The following CEP104 variants were observed in gnomAD, a reference collection of about 807,000 sequenced individuals.
CEP104 encodes centrosomal protein of 104 kDa.
A neutral mutation model predicts 113.3 loss-of-function variants in CEP104; 84 were observed. The observed-to-expected ratio is 0.74, with a 90% CI of 0.62 to 0.89. CEP104 has a LOEUF of 0.89. CEP104 is among the 40% of genes least tolerant of loss of function. CEP104 has a pLI of 0.00. For synonymous variants in CEP104, 378 were observed against 421.7 expected (o/e 0.90, Z 1.27); for missense variants, 1,053 against 1,156.6 (o/e 0.91, Z 1.30).
intron 5 of CEP104, 139 bp from the exon 6 acceptor site, chr1:3,845,122 TAAAG>T (rs1644484332): frequency 1.1e-6 from 1 of 875,212 alleles, no homozygotes; most frequent in Non-Finnish European, 1.8e-6. Context: ...CTAAAACTGT[TAAAG>T]AAAAGTTTCA....
In CEP104 at chr1:3,819,469, C is replaced by T. The variant is rs549158647; in HGVS notation, c.2572-3099G>A. 1.5e-3 allele frequency among the ~76,000 whole-genome samples: 228 copies of T among 152,320 alleles called. 2 individuals carry two copies. Among genetic ancestry groups the T allele is most frequent in the Non-Finnish European group, 2.6e-3 (179 of 68,026 alleles). ...CTGTGCAGACTAGATCTCCATGAAG[C>T]TGTTAAAAACAGGTGATCTTAATGA... On this transcript the variant is annotated intron_variant, in intron 20 of 21. Transcript: ENST00000378230. The surrounding 1 kb of genome is among the most constrained non-coding windows in gnomAD (Gnocchi z 4.6).
At chr1:3,849,151 A>C (rs1470671377) in intron 2 of CEP104, among the ~76,000 whole-genome samples, 1 of 152,130 alleles carries the variant, frequency 6.6e-6, no homozygotes, top group Non-Finnish European at 1.5e-5. Context: ...TCAAATGCTT[A>C]AGGGCCCCAA....
chr1:3,832,041 G>A (rs16824192), intron 12 of CEP104, among the ~76,000 whole-genome samples: 34,207 of 152,168 alleles, frequency 0.22, 4,202 homozygotes, highest in Non-Finnish European at 0.27. Context: ...TGTAACCCTC[G>A]ATAGATTGCC....
chr1:3,854,810 A>C (rs1393809986), intron 1 of CEP104, among the ~76,000 whole-genome samples: 1 of 143,716 alleles, frequency 7.0e-6, no homozygotes, highest in Non-Finnish European at 1.5e-5. Flanking sequence ...AGGGCTTGTC[A>C]CTCCCTATTC....
intron 10 of CEP104, 59 bp from the exon 11 acceptor site, chr1:3,835,151 A>G (rs1423603011): frequency 1.5e-6 from 2 of 1,319,866 alleles, no homozygotes; most frequent in African/African-American, 1.6e-5. Flanking sequence ...ACACTACACA[A>G]CTTGAAGGCT....
chr1:3,838,998 T>G lies in CEP104; in HGVS notation c.857A>C (p.Gln286Pro). 6.2e-7 allele frequency: 1 copy of G among 1,614,220 alleles called. No individual in the cohort carries two copies. The highest frequency in any genetic ancestry group is 1.1e-5 in the South Asian group (1 of 91,086). The change falls in exon 8 of 22, where the codon CAG becomes CCG. Residue 286 changes from glutamine (Q) to proline (P), a missense_variant. By Grantham distance (76) the Gln-to-Pro change is moderately conservative. Coordinates refer to ENST00000378230, the MANE Select transcript of CEP104 (RefSeq NM_014704.4). ...ATCCAGGAGGCTGTGCAGCTCCAGC[T>G]GCTCGTACACCTCGGCACGATACTG... Reference protein sequence around the residue: ...MEQYRAEVYEQLELHSLLDAE... With the variant: ...MEQYRAEVYEPLELHSLLDAE...
At position 3,826,388 on chromosome 1, in the gene CEP104, T is replaced by C; in HGVS notation, c.2237A>G (p.Asp746Gly). 6.2e-7 allele frequency: 1 copy of C among 1,614,082 alleles called. No individual in the cohort carries two copies. The highest frequency in any genetic ancestry group is 8.5e-7 in the Non-Finnish European group (1 of 1,179,934). Residue 746 changes from aspartate (D) to glycine (G), a missense_variant, in exon 17 of 22, where the codon GAT (aspartate) becomes GGT (glycine). Transcript: ENST00000378230. ...AAPAEALGIP[D>G]EHYLDNLCIF... Reference sequence around the variant, plus strand: ...GACTTACTTATCTAGATAGTGCTCATCCGGGATTCCCAGAGCTTCAGCAGG... The same window carrying C: ...GACTTACTTATCTAGATAGTGCTCACCCGGGATTCCCAGAGCTTCAGCAGG...
At position 3,828,373 on chromosome 1, in the gene CEP104, C is replaced by CCTG. The variant is rs532455778; in HGVS notation, c.2151+890_2151+892dup. 1.7e-3 allele frequency among the ~76,000 whole-genome samples: 256 copies of CCTG among 152,344 alleles called. 1 individual carries two copies. The highest frequency in any genetic ancestry group is 5.9e-3 in the African/African-American group (246 of 41,576). On this transcript the variant is annotated intron_variant, in intron 15 of 21. Transcript: ENST00000378230. ...AGGGTCTGCCTGCCTCCTTCCGCCT[C>CCTG]CTGTGTCCTTTTCTGATTGTGACTC...
intron 6 of CEP104, among the ~76,000 whole-genome samples, chr1:3,842,282 G>A (rs927098394): frequency 2.6e-5 from 4 of 152,102 alleles, no homozygotes; most frequent in Non-Finnish European, 5.9e-5. Flanking sequence ...GGGTTTCACC[G>A]TGTTAGCCAG....
intron 16 of CEP104, 40 bp from the exon 17 acceptor site, chr1:3,826,476 A>G: frequency 6.4e-7 from 1 of 1,564,180 alleles, no homozygotes; most frequent in Non-Finnish European, 8.7e-7. Context: ...TTTTATAGAA[A>G]TTATTTTCAA....
At chr1:3,834,161 GA>G in intron 11 of CEP104, 126 bp from the exon 12 acceptor site, 1 of 783,762 alleles carries the variant, frequency 1.3e-6, no homozygotes, top group Non-Finnish European at 2.0e-6. Context: ...CTGAAAGGCT[GA>G]AAATTGCAAA....
chr1:3,854,781 T>C (rs1417680630), intron 1 of CEP104, among the ~76,000 whole-genome samples: 2 of 150,642 alleles, frequency 1.3e-5, no homozygotes, highest in African/African-American at 2.4e-5. Context: ...GCCAGGCCCC[T>C]TTCATCATCT....
chr1:3,848,424 C>T (rs907879238), intron 3 of CEP104, among the ~76,000 whole-genome samples, 184 bp downstream of exon 3: 4 of 149,292 alleles, frequency 2.7e-5, no homozygotes, highest in Admixed American at 1.4e-4. Flanking sequence ...CCCAGCTACT[C>T]GGGAGGCTGA....
In CEP104 at chr1:3,814,215, C is replaced by G. The variant is rs1643838735; in HGVS notation, c.*1187G>C. ...AGGTGGGAGGGGACTGCCCTTCAGTCCATGGTAGCCTAGGCCCCTGGGAGC... is the reference window on the plus strand; with the variant it reads ...AGGTGGGAGGGGACTGCCCTTCAGTGCATGGTAGCCTAGGCCCCTGGGAGC... On this transcript the variant is annotated 3_prime_UTR_variant, in exon 22 of 22. Transcript: ENST00000378230. The G allele has an allele frequency of 6.6e-6, 1 of 152,200 alleles. No individual in the cohort carries two copies. Among genetic ancestry groups the G allele is most frequent in the Non-Finnish European group, 1.5e-5 (1 of 68,054 alleles). The allele number at this position is 152,200 out of a possible 1,614,324, so 9.4% of individuals were successfully genotyped here. A position where few individuals can be genotyped will look rare whatever the true frequency, so the allele number is the denominator to read the frequency against.
At chr1:3,831,704 T>C (rs1164848368) in intron 12 of CEP104, among the ~76,000 whole-genome samples, 3 of 152,242 alleles carry the variant, frequency 2.0e-5, no homozygotes, top group Non-Finnish European at 4.4e-5. Flanking sequence ...TATTTGAATG[T>C]CTCTAAACAA....
chr1:3,823,387 G>T lies in CEP104; in HGVS notation c.2503+37C>A. 6.2e-7 allele frequency: 1 copy of T among 1,614,056 alleles called. No homozygotes were observed. The highest frequency in any genetic ancestry group is 2.2e-5 in the East Asian group (1 of 44,880). ...CACTTCCTCCAAGAGGACCCCTGGT[G>T]ACCCGAGGGCACGGGAGCCTGGGAA... On this transcript the variant is annotated intron_variant, in intron 19 of 21. Coordinates refer to ENST00000378230, the MANE Select transcript of CEP104 (RefSeq NM_014704.4). The surrounding 1 kb of genome is among the most constrained non-coding windows in gnomAD (Gnocchi z 4.1).
intron 17 of CEP104, 101 bp downstream of exon 17, chr1:3,826,269 C>A: frequency 8.1e-6 from 8 of 984,124 alleles, no homozygotes; most frequent in Non-Finnish European, 1.3e-5. Flanking sequence ...TTTATGATGA[C>A]TACGAAGGGC....
chr1:3,841,328 C>T (rs188560776), intron 6 of CEP104, among the ~76,000 whole-genome samples: 13 of 150,756 alleles, frequency 8.6e-5, no homozygotes, highest in Non-Finnish European at 1.6e-4. Context: ...CGGTACTTCG[C>T]TCACAGCAGC....
In CEP104 at chr1:3,812,900, T is replaced by TTTTAATGAGG. The variant is rs1643819015; in HGVS notation, c.*2501_*2502insCCTCATTAAA. 1.4e-5 allele frequency: 2 copies of TTTTAATGAGG among 145,620 alleles called. No individual in the cohort carries two copies. The highest frequency in any genetic ancestry group is 4.2e-4 in the South Asian group (2 of 4,756). 9.0% of individuals were successfully genotyped at this position (145,620 alleles called of 1,614,324 possible). ...AAAAAAACAACAAAAAAACCCCCTG[T>TTTTAATGAGG]AACTAACAAAAGAGGAACCTGTTTT... On this transcript the variant is annotated 3_prime_UTR_variant, in exon 22 of 22. Coordinates refer to ENST00000378230, the MANE Select transcript of CEP104 (RefSeq NM_014704.4).
Sources: allele counts gnomAD v4.1 joint callset (sites outside exome capture counted in the v4.1 genomes callset), GRCh38; gene constraint gnomAD v4.1.1; non-coding constraint Gnocchi (gnomAD v3.1); transcripts MANE v1.5; gene names NCBI Gene and HGNC (gene_info 2026-07-23, HGNC 2026-07-21).